The following ABLIM1 variants were observed in gnomAD, a reference collection of about 807,000 sequenced individuals.
The protein encoded by ABLIM1 is actin-binding LIM protein 1.
ABLIM1 carries 40 observed loss-of-function variants against 107.0 expected under a neutral mutation model. The observed-to-expected ratio is 0.37, with a 90% CI of 0.29 to 0.49. The LOEUF is 0.49. ABLIM1 is among the 20% of genes least tolerant of loss of function. ABLIM1 has a pLI of 0.97. For missense variants in ABLIM1, 857 were observed against 1,008.5 expected (o/e 0.85, Z 2.04); for synonymous variants, 357 against 357.3 (o/e 1.00, Z 0.01).
chr10:114,554,174 A>G (rs144872605), intron 4 of ABLIM1, among the ~76,000 whole-genome samples: 25 of 152,318 alleles, frequency 1.6e-4, no homozygotes, highest in Admixed American at 3.3e-4. Flanking sequence ...CGCCAGTTAC[A>G]TAACACCTTG....
At chr10:114,446,411 T>C (rs2061027734) in intron 15 of ABLIM1, among the ~76,000 whole-genome samples, 1 of 152,188 alleles carries the variant, frequency 6.6e-6, no homozygotes, top group Non-Finnish European at 1.5e-5. Context: ...TTTTTTAGCT[T>C]TCTGGAAAGG....
At chr10:114,722,891 AT>A (rs890577434) in intron 1 of ABLIM1, among the ~76,000 whole-genome samples, 55 of 150,624 alleles carry the variant, frequency 3.7e-4, no homozygotes, top group African/African-American at 1.1e-3. Flanking sequence ...AGGCTAGATA[AT>A]TTTTTTTTTA....
intron 6 of ABLIM1, among the ~76,000 whole-genome samples, chr10:114,529,126 CTTT>C (rs548411103): frequency 2.9e-5 from 4 of 140,306 alleles, no homozygotes; most frequent in Admixed American, 7.2e-5. Context: ...TCTTCATCCT[CTTT>C]TTTTTTTTTT....
At chr10:114,756,328 C>T (rs117444400) in intron 1 of ABLIM1, among the ~76,000 whole-genome samples, 2,354 of 152,146 alleles carry the variant, frequency 0.015, 18 homozygotes, top group Middle Eastern at 0.092. Flanking sequence ...TTTCATATTG[C>T]TTTTTAAGAT....
At chr10:114,614,342 CT>C in intron 1 of ABLIM1, among the ~76,000 whole-genome samples, 1 of 152,188 alleles carries the variant, frequency 6.6e-6, no homozygotes, top group South Asian at 2.1e-4. Flanking sequence ...ATCCCAGCTA[CT>C]GGGGAGGCTG....
At chr10:114,472,474 T>C (rs1485403118) in intron 10 of ABLIM1, among the ~76,000 whole-genome samples, 3 of 152,122 alleles carry the variant, frequency 2.0e-5, no homozygotes, top group Non-Finnish European at 4.4e-5. Context: ...GACCAGGTAA[T>C]TTGATTCCAG....
chr10:114,793,430 G>A, the ABLIM1 span, among the ~76,000 whole-genome samples: 3 of 152,098 alleles, frequency 2.0e-5, no homozygotes, highest in African/African-American at 7.2e-5. Context: ...CAACCAAGCA[G>A]ATGCCAGCAC....
At chr10:114,508,151 T>A (rs75978119) in intron 6 of ABLIM1, among the ~76,000 whole-genome samples, 4,520 of 152,120 alleles carry the variant, frequency 0.03, 213 homozygotes, top group African/African-American at 0.1. Flanking sequence ...CATTACAAAA[T>A]TTTTTTTCTA....
chr10:114,510,559 T>C (rs2061705779), intron 6 of ABLIM1, among the ~76,000 whole-genome samples: 1 of 152,060 alleles, frequency 6.6e-6, no homozygotes, highest in Non-Finnish European at 1.5e-5. Context: ...TTAGGTATTT[T>C]TTTGTATAAA....
At chr10:114,461,160 C>T (rs547540913) in intron 12 of ABLIM1, among the ~76,000 whole-genome samples, 1 of 151,806 alleles carries the variant, frequency 6.6e-6, no homozygotes, top group African/African-American at 2.4e-5. Flanking sequence ...ACCTCCTGGG[C>T]TCAAGCAATC....
intron 10 of ABLIM1, among the ~76,000 whole-genome samples, chr10:114,470,393 A>C (rs895501518): frequency 1.5e-5 from 2 of 137,722 alleles, no homozygotes; most frequent in Non-Finnish European, 3.0e-5. Flanking sequence ...ACTACACTCC[A>C]GCTGGGTGAC....
At chr10:114,513,905 T>C (rs1011367414) in intron 6 of ABLIM1, among the ~76,000 whole-genome samples, 2 of 152,146 alleles carry the variant, frequency 1.3e-5, no homozygotes, top group African/African-American at 4.8e-5. Context: ...ATTTCCAAGA[T>C]ACATATACTC....
chr10:114,504,280 G>A (rs923129037), intron 6 of ABLIM1, among the ~76,000 whole-genome samples: 12 of 152,026 alleles, frequency 7.9e-5, no homozygotes, highest in Admixed American at 5.9e-4. Context: ...ACACTTGGTG[G>A]GCGCCTGTTA....
intron 1 of ABLIM1, among the ~76,000 whole-genome samples, chr10:114,604,790 A>G (rs776855306): frequency 1.3e-5 from 2 of 152,230 alleles, no homozygotes; most frequent in Non-Finnish European, 2.9e-5. Flanking sequence ...AAGAAAATGC[A>G]CTGCAGTTTC....
At chr10:114,542,541 G>A (rs1472749901) in intron 6 of ABLIM1, among the ~76,000 whole-genome samples, 1 of 151,538 alleles carries the variant, frequency 6.6e-6, no homozygotes, top group East Asian at 1.9e-4. Context: ...GAAGGAGGAG[G>A]GAGAAGGGAG....
the ABLIM1 span, among the ~76,000 whole-genome samples, chr10:114,788,675 C>G: frequency 6.6e-6 from 1 of 151,944 alleles, no homozygotes; most frequent in African/African-American, 2.4e-5. Context: ...TTGCAGTGAG[C>G]CGAGATTGCC....
chr10:114,775,423 G>C, the ABLIM1 span, among the ~76,000 whole-genome samples: 1 of 152,182 alleles, frequency 6.6e-6, no homozygotes, highest in Admixed American at 6.5e-5. Flanking sequence ...TAATCATCAA[G>C]GATTATTCCT....
chr10:114,766,531 G>A (rs2082898132), intron 1 of ABLIM1, among the ~76,000 whole-genome samples: 1 of 152,134 alleles, frequency 6.6e-6, no homozygotes. Context: ...GGAGGGGCCA[G>A]AGACTAAATG....
intron 4 of ABLIM1, among the ~76,000 whole-genome samples, chr10:114,552,913 G>T (rs1265691696): frequency 6.6e-6 from 1 of 152,162 alleles, no homozygotes; most frequent in African/African-American, 2.4e-5. Flanking sequence ...TAGGTCTTGG[G>T]TTCTTTACAA....
Sources: gnomAD v4.1 joint callset for allele counts (sites outside exome capture counted in the v4.1 genomes callset) on GRCh38, gnomAD v4.1.1 for gene constraint, MANE v1.5 for transcripts, NCBI Gene and HGNC (gene_info 2026-07-23, HGNC 2026-07-21) for gene names.